Variants in SDHAF3 observed in about 807,000 individuals in gnomAD.
The protein encoded by SDHAF3 is succinate dehydrogenase assembly factor 3, mitochondrial.
A neutral mutation model predicts 11.5 loss-of-function variants in SDHAF3; 18 were observed. The observed-to-expected ratio is 1.56, with a 90% CI of 1.08 to 2.32. The LOEUF (loss-of-function observed/expected upper bound fraction) is 2.32. Ranked by LOEUF, SDHAF3 falls within the 30% of genes most tolerant of loss-of-function variation. The probability of loss-of-function intolerance (pLI) is 0.00; values close to 1 mark genes in which losing one functional copy is unlikely to be tolerated. For synonymous variants in SDHAF3, 72 were observed against 59.3 expected (o/e 1.21, Z -0.99); for missense variants, 200 against 154.4 (o/e 1.30, Z -1.57).
intron 1 of SDHAF3, chr7:97,142,661 G>A (rs545667855): frequency 5.3e-5 from 8 of 151,958 alleles, no homozygotes; most frequent in South Asian, 4.2e-4. Flanking sequence ...TTTCTTTTCC[G>A]ATTTATTATA....
intron 1 of SDHAF3, among the ~76,000 whole-genome samples, chr7:97,147,209 A>C (rs1789149606): frequency 6.6e-6 from 1 of 152,196 alleles, no homozygotes; most frequent in South Asian, 2.1e-4. Flanking sequence ...TTTGGGTATG[A>C]ATATAAGTAT....
At chr7:97,147,447 C>A (rs1457111366) in intron 1 of SDHAF3, among the ~76,000 whole-genome samples, 3 of 152,094 alleles carry the variant, frequency 2.0e-5, no homozygotes. Context: ...TAAATAATTC[C>A]TACTGATTTG....
chr7:97,155,542 A>G (rs1254458309), intron 1 of SDHAF3, among the ~76,000 whole-genome samples: 2 of 152,128 alleles, frequency 1.3e-5, no homozygotes, highest in African/African-American at 2.4e-5. Flanking sequence ...ATTTCTATTT[A>G]TGGCAATTAT....
At chr7:97,171,297 T>C (rs1789598793) in intron 1 of SDHAF3, among the ~76,000 whole-genome samples, 1 of 152,138 alleles carries the variant, frequency 6.6e-6, no homozygotes, top group Non-Finnish European at 1.5e-5. Flanking sequence ...TCCTAGATAA[T>C]AATTGGCTTT....
chr7:97,166,566 T>C (rs1017063816), intron 1 of SDHAF3, among the ~76,000 whole-genome samples: 7 of 152,088 alleles, frequency 4.6e-5, no homozygotes, highest in Non-Finnish European at 1.0e-4. Flanking sequence ...ACTTACTGAG[T>C]CTGTTCTGTT....
At chr7:97,145,764 T>A (rs1185686747) in intron 1 of SDHAF3, among the ~76,000 whole-genome samples, 1 of 152,208 alleles carries the variant, frequency 6.6e-6, no homozygotes, top group East Asian at 1.9e-4. Flanking sequence ...TTTCTTTGTC[T>A]TAATTGAAGA....
Position 97,181,004 on chromosome 7 carries a change from CT to C in SDHAF3, c.175-3del. On this transcript the variant is annotated splice_region_variant and splice_polypyrimidine_tract_variant and intron_variant, in intron 1 of 1. Transcript: ENST00000432641. ...TACATCTATAACCTTCATTCTTTAT[CT>C]TTTTAGGTGTATGCAACAGCGTTAT... The C allele has an allele frequency of 6.2e-7, 1 of 1,605,664 alleles. No individual in the cohort carries two copies. Among genetic ancestry groups the C allele is most frequent in the Non-Finnish European group, 8.5e-7 (1 of 1,176,568 alleles).
At chr7:97,180,073 G>C (rs371934035) in intron 1 of SDHAF3, among the ~76,000 whole-genome samples, 1 of 152,222 alleles carries the variant, frequency 6.6e-6, no homozygotes, top group South Asian at 2.1e-4. Flanking sequence ...AGTGGCACTT[G>C]TGCAGATGGG....
intron 1 of SDHAF3, among the ~76,000 whole-genome samples, chr7:97,158,466 T>G (rs1789341521): frequency 6.6e-6 from 1 of 152,122 alleles, no homozygotes; most frequent in African/African-American, 2.4e-5. Context: ...TAGCTAGGAT[T>G]ACAGGTGCCT....
chr7:97,151,790 C>T (rs11767323), intron 1 of SDHAF3, among the ~76,000 whole-genome samples: 24,759 of 152,042 alleles, frequency 0.16, 2,370 homozygotes, highest in South Asian at 0.23. Context: ...TGAGCCACCA[C>T]GCTCGGCCAA....
intron 1 of SDHAF3, among the ~76,000 whole-genome samples, chr7:97,127,075 T>C (rs116774363): frequency 0.025 from 3,794 of 152,246 alleles, 144 homozygotes; most frequent in African/African-American, 0.087. Context: ...CTCCTTGCGC[T>C]TCCTGGGTGA....
At chr7:97,139,293 C>A (rs1562822757) in intron 1 of SDHAF3, among the ~76,000 whole-genome samples, 2 of 152,172 alleles carry the variant, frequency 1.3e-5, no homozygotes, top group Non-Finnish European at 2.9e-5. Flanking sequence ...GGTCCCCCAC[C>A]TGAAGGTGGG....
chr7:97,137,674 G>T (rs1055636488), intron 1 of SDHAF3, among the ~76,000 whole-genome samples: 6 of 152,140 alleles, frequency 3.9e-5, no homozygotes, highest in African/African-American at 1.4e-4. Context: ...ATGTGATAGG[G>T]TGAGACCCAT....
chr7:97,126,889 G>A (rs1441216262), intron 1 of SDHAF3, among the ~76,000 whole-genome samples: 1 of 149,880 alleles, frequency 6.7e-6, no homozygotes, highest in East Asian at 2.0e-4. Flanking sequence ...GTGTCTGCCC[G>A]AATAGCTGCC....
chr7:97,126,092 A>G (rs1267476645), intron 1 of SDHAF3, among the ~76,000 whole-genome samples: 1 of 152,102 alleles, frequency 6.6e-6, no homozygotes, highest in Non-Finnish European at 1.5e-5. Context: ...CTGGAGGTCT[A>G]CTCCAGACCC....
chr7:97,130,910 T>G (rs1164667565), intron 1 of SDHAF3, among the ~76,000 whole-genome samples: 1 of 152,174 alleles, frequency 6.6e-6, no homozygotes, highest in Non-Finnish European at 1.5e-5. Flanking sequence ...AAACACCATT[T>G]GATTGGCTGA....
At chr7:97,143,665 CTG>C (rs3029495) in intron 1 of SDHAF3, among the ~76,000 whole-genome samples, 33,218 of 147,710 alleles carry the variant, frequency 0.22, 3,797 homozygotes, top group East Asian at 0.4. Flanking sequence ...TAGTGTTCCA[CTG>C]TGTGTGTGTG....
intron 1 of SDHAF3, among the ~76,000 whole-genome samples, chr7:97,137,506 A>G (rs1035268163): frequency 1.3e-5 from 2 of 152,224 alleles, no homozygotes; most frequent in African/African-American, 4.8e-5. Flanking sequence ...GCCTTGAACT[A>G]TGTGAGGGTG....
chr7:97,125,172 A>C (rs1192393458), intron 1 of SDHAF3, among the ~76,000 whole-genome samples: 1 of 151,886 alleles, frequency 6.6e-6, no homozygotes. Flanking sequence ...TAATCTTTTC[A>C]AAAAAACGGC....
Sources: allele counts gnomAD v4.1 joint callset (sites outside exome capture counted in the v4.1 genomes callset), GRCh38; gene constraint gnomAD v4.1.1; transcripts MANE v1.5; gene names NCBI Gene and HGNC (gene_info 2026-07-23, HGNC 2026-07-21).